The following UGT1A9 variants were observed in gnomAD, a reference collection of about 807,000 sequenced individuals.
The protein encoded by UGT1A9 is UDP-glucuronosyltransferase 1A9.
A neutral mutation model predicts 45.0 loss-of-function variants in UGT1A9; 35 were observed. That is an observed-to-expected ratio of 0.78 (90% CI 0.59 to 1.03). The LOEUF (loss-of-function observed/expected upper bound fraction) is 1.03, where lower values mean the gene tolerates loss of function less well. Among genes scored for constraint, UGT1A9 ranks in the 50% least tolerant of loss-of-function variants. The pLI, the probability that UGT1A9 is intolerant of heterozygous loss-of-function variation, is 0.00. For synonymous variants in UGT1A9, 278 were observed against 250.6 expected (o/e 1.11, Z -1.03); for missense variants, 687 against 666.6 (o/e 1.03, Z -0.34).
chr2:233,716,677 G>A (rs2076519558), intron 1 of UGT1A9, among the ~76,000 whole-genome samples: 1 of 152,156 alleles, frequency 6.6e-6, no homozygotes, highest in African/African-American at 2.4e-5. Context: ...TTTACCCCAA[G>A]ATATAGTTTC....
rs958541757 is a variant in UGT1A9 at position 233,749,447 on chromosome 2, G to A, written c.856-17587G>A. Among the ~76,000 whole-genome samples, 14 of 151,852 alleles carry A rather than the reference G, an allele frequency of 9.2e-5. 1 individual carries two copies. Among genetic ancestry groups the A allele is most frequent in the African/African-American group, 3.4e-4 (14 of 41,136 alleles). ...AAAACTTCACTGTCATCTCAGTGGAGCAGAACGAATTGGGAACTGTGGCAC... is the reference window on the plus strand; with the variant it reads ...AAAACTTCACTGTCATCTCAGTGGAACAGAACGAATTGGGAACTGTGGCAC... On this transcript the variant is annotated intron_variant, in intron 1 of 4. Transcript: ENST00000354728.
intron 1 of UGT1A9, chr2:233,747,824 CAT>C: frequency 6.2e-7 from 1 of 1,613,548 alleles, no homozygotes; most frequent in Non-Finnish European, 8.5e-7. Context: ...ATTCAGACCA[CAT>C]GACATTCCTG....
intron 1 of UGT1A9, chr2:233,747,084 A>G: frequency 8.6e-7 from 1 of 1,158,212 alleles, no homozygotes; most frequent in Non-Finnish European, 1.2e-6. Flanking sequence ...AACTAGGAGG[A>G]GAGCACTCTA....
At chr2:233,768,588 T>C in intron 4 of UGT1A9, 149 bp downstream of exon 4, 52 of 996,612 alleles carry the variant, frequency 5.2e-5, no homozygotes, top group East Asian at 5.1e-4. Flanking sequence ...TCTTCTTTTT[T>C]TTTTTTTTTT....
At chr2:233,700,805 T>C (rs567611805) in intron 1 of UGT1A9, among the ~76,000 whole-genome samples, 135 of 152,262 alleles carry the variant, frequency 8.9e-4, no homozygotes, top group African/African-American at 2.8e-3. Flanking sequence ...ATGTGCCATG[T>C]TGGTGTGCTG....
intron 1 of UGT1A9, among the ~76,000 whole-genome samples, chr2:233,734,813 G>C (rs1170913968): frequency 6.6e-6 from 1 of 152,218 alleles, no homozygotes; most frequent in Non-Finnish European, 1.5e-5. Flanking sequence ...TTTCCATGTA[G>C]TTGTGCGATT....
intron 1 of UGT1A9, among the ~76,000 whole-genome samples, chr2:233,761,453 G>A (rs1414983430): frequency 2.6e-5 from 4 of 152,196 alleles, no homozygotes. Flanking sequence ...GCTGGGTTTG[G>A]GGCACCCTGC....
In UGT1A9 at chr2:233,747,891, C is replaced by T. The variant is rs562741642; in HGVS notation, c.856-19143C>T. 6 of 1,613,060 alleles carry T rather than the reference C, an allele frequency of 3.7e-6. No homozygotes were observed. In the Admixed American group the frequency reaches 5.0e-5, roughly 13 times the overall value. On this transcript the variant is annotated intron_variant, in intron 1 of 4. Coordinates refer to ENST00000354728, the MANE Select transcript of UGT1A9 (RefSeq NM_021027.3). ...GGCCCTGTCCTACCTTTGCCATGCT[C>T]TTTCTGCTCCTTATGCAAGCCTTGC...
At chr2:233,695,469 T>G (rs2075291280) in intron 1 of UGT1A9, among the ~76,000 whole-genome samples, 2 of 151,992 alleles carry the variant, frequency 1.3e-5, no homozygotes, top group African/African-American at 4.8e-5. Flanking sequence ...TATTGGCCCT[T>G]TAGATGTTTT....
At chr2:233,687,364 C>T (rs2074836393) in intron 1 of UGT1A9, among the ~76,000 whole-genome samples, 1 of 152,128 alleles carries the variant, frequency 6.6e-6, no homozygotes, top group South Asian at 2.1e-4. Context: ...TGGACTGTCT[C>T]CTTAGGGAGA....
At position 233,772,696 on chromosome 2, in the gene UGT1A9, TA is replaced by T. The variant is rs1170923656; in HGVS notation, c.*143del. On this transcript the variant is annotated 3_prime_UTR_variant, in exon 5 of 5. Transcript: ENST00000354728. Reference sequence around the variant, plus strand: ...TAAATTAATCAGCCCCAGAGTGCTTTAAAAAATTCTCTTAAATAAAAATAAT... The same window carrying T: ...TAAATTAATCAGCCCCAGAGTGCTTTAAAAATTCTCTTAAATAAAAATAAT... 2 of 1,482,484 alleles carry T rather than the reference TA, an allele frequency of 1.3e-6. No homozygotes were observed. The highest frequency in any genetic ancestry group is 1.8e-6 in the Non-Finnish European group (2 of 1,123,730). 91.8% of individuals were successfully genotyped at this position (1,482,484 alleles called of 1,614,324 possible).
At chr2:233,759,710 G>A (rs746376626) in intron 1 of UGT1A9, among the ~76,000 whole-genome samples, 35 of 151,652 alleles carry the variant, frequency 2.3e-4, no homozygotes, top group East Asian at 9.7e-4. Flanking sequence ...GCGCGTGCTC[G>A]TGTGGTGGGC....
chr2:233,724,260 C>T (rs1481062069), intron 1 of UGT1A9, among the ~76,000 whole-genome samples: 12 of 129,940 alleles, frequency 9.2e-5, no homozygotes, highest in East Asian at 4.9e-4. Context: ...CCTCACCTCC[C>T]GGACGGGGCG....
At position 233,760,483 on chromosome 2, in the gene UGT1A9, T is replaced by C. The variant is rs750890851; in HGVS notation, c.856-6551T>C. On this transcript the variant is annotated intron_variant, in intron 1 of 4. Transcript: ENST00000354728. ...AGTTGTCCTAGCACCTGACGCCTCG[T>C]TGTACATCAGAGACGGAGCATTTTA... is the stretch of plus-strand genomic sequence containing the variant. The C allele has an allele frequency of 6.2e-6, 10 of 1,614,116 alleles. No individual in the cohort carries two copies. In the South Asian group the frequency reaches 8.8e-5, roughly 14 times the overall value.
At chr2:233,743,824 G>C (rs757559777) in intron 1 of UGT1A9, 1 of 1,367,262 alleles carries the variant, frequency 7.3e-7, no homozygotes, top group Non-Finnish European at 9.8e-7. Flanking sequence ...TTTTGTCGGG[G>C]TGCCACTTGA....
chr2:233,704,482 A>G (rs2075791499), intron 1 of UGT1A9, among the ~76,000 whole-genome samples: 1 of 152,052 alleles, frequency 6.6e-6, no homozygotes, highest in South Asian at 2.1e-4. Flanking sequence ...TCCCCTTTTT[A>G]TGATATTATT....
At chr2:233,680,326 C>A (rs1013863860) in intron 1 of UGT1A9, among the ~76,000 whole-genome samples, 4 of 152,100 alleles carry the variant, frequency 2.6e-5, no homozygotes, top group Admixed American at 2.0e-4. Context: ...AGAGAAGAAA[C>A]GCGCAGAGGG....
At chr2:233,730,491 G>C (rs1414931155) in intron 1 of UGT1A9, among the ~76,000 whole-genome samples, 4 of 152,196 alleles carry the variant, frequency 2.6e-5, no homozygotes, top group African/African-American at 9.6e-5. Context: ...TGAAATAGAA[G>C]TGTCAGAGAG....
chr2:233,745,665 C>T (rs932654407), intron 1 of UGT1A9, among the ~76,000 whole-genome samples: 2 of 150,144 alleles, frequency 1.3e-5, no homozygotes, highest in South Asian at 4.2e-4. Context: ...GTGAACAAAG[C>T]AATTTGGGAA....
Sources: allele counts gnomAD v4.1 joint callset (sites outside exome capture counted in the v4.1 genomes callset), GRCh38; gene constraint gnomAD v4.1.1; transcripts MANE v1.5; gene names NCBI Gene and HGNC (gene_info 2026-07-23, HGNC 2026-07-21).